The following TENM2 variants were observed in gnomAD, a reference collection of about 807,000 sequenced individuals.
The protein encoded by TENM2 is teneurin-2.
A neutral mutation model predicts 245.2 loss-of-function variants in TENM2; 52 were observed. That is an observed-to-expected ratio of 0.21 (90% CI 0.17 to 0.27). The LOEUF (loss-of-function observed/expected upper bound fraction) is 0.27, where lower values mean the gene tolerates loss of function less well. Ranked by LOEUF, TENM2 falls within the 10% of genes least tolerant of loss-of-function variation. TENM2 has a pLI of 1.00. For synonymous variants in TENM2, 1,363 were observed against 1,438.9 expected, an observed-to-expected ratio of 0.95 and a Z score of 1.19; for missense variants, 3,046 against 3,666.8, an observed-to-expected ratio of 0.83 and a Z score of 4.37.
intron 2 of TENM2, among the ~76,000 whole-genome samples, chr5:167,607,120 A>C (rs1326661950): frequency 1.3e-5 from 2 of 152,128 alleles, no homozygotes; most frequent in Non-Finnish European, 1.5e-5. Context: ...GGCTCTAGAA[A>C]AATCATTCAC....
chr5:167,767,671 A>G (rs1763124050), intron 2 of TENM2, among the ~76,000 whole-genome samples: 1 of 152,228 alleles, frequency 6.6e-6, no homozygotes. Flanking sequence ...TATTAAGACT[A>G]TGATCACTTA....
At chr5:167,701,302 ATATG>A (rs1402055715) in intron 2 of TENM2, among the ~76,000 whole-genome samples, 1 of 152,188 alleles carries the variant, frequency 6.6e-6, no homozygotes, top group Non-Finnish European at 1.5e-5. Flanking sequence ...ACTTGGCTAA[ATATG>A]TATGAACATG....
intron 2 of TENM2, among the ~76,000 whole-genome samples, chr5:167,603,986 C>T (rs1244818433): frequency 6.6e-6 from 1 of 152,138 alleles, no homozygotes; most frequent in African/African-American, 2.4e-5. Context: ...CAAATTTCCC[C>T]ATTTAATAAA....
chr5:167,758,504 C>A (rs1762451271), intron 2 of TENM2, among the ~76,000 whole-genome samples: 1 of 152,134 alleles, frequency 6.6e-6, no homozygotes, highest in African/African-American at 2.4e-5. Context: ...CAGCTTCCTC[C>A]TTGTCATTGT....
At chr5:167,368,972 C>T (rs1464726037) in intron 1 of TENM2, among the ~76,000 whole-genome samples, 2 of 152,106 alleles carry the variant, frequency 1.3e-5, no homozygotes, top group Non-Finnish European at 2.9e-5. Flanking sequence ...CCGGGATCCC[C>T]GCGCTGGTCT....
At chr5:167,283,371 C>A (rs1581659806), upstream of TENM2, among the ~76,000 whole-genome samples, 1 of 152,206 alleles carries the variant, frequency 6.6e-6, no homozygotes, top group Non-Finnish European at 1.5e-5. Context: ...AAGTGTCAAA[C>A]AAAATTGTCC....
chr5:167,366,064 T>C (rs1478019423), intron 1 of TENM2, among the ~76,000 whole-genome samples: 1 of 150,678 alleles, frequency 6.6e-6, no homozygotes, highest in Non-Finnish European at 1.5e-5. Context: ...ACACAGACAG[T>C]AGGTAGAGTC....
At chr5:167,944,589 G>A (rs1779459746) in intron 3 of TENM2, among the ~76,000 whole-genome samples, 1 of 152,202 alleles carries the variant, frequency 6.6e-6, no homozygotes, top group African/African-American at 2.4e-5. Context: ...ATAAACAGAG[G>A]GAATTGCCAT....
rs1006733095 is a variant in TENM2 at position 167,525,844 on chromosome 5, C to T, written c.502+150371C>T. 4.9e-4 allele frequency among the ~76,000 whole-genome samples: 75 copies of T among 152,038 alleles called. 2 individuals carry two copies. Among genetic ancestry groups the T allele is most frequent in the African/African-American group, 1.2e-3 (48 of 41,396 alleles). ...CAAGTAGTGAAACCTGCATTCCTAACGACTATCTTCATTTGTTATGTGACT... is the reference window on the plus strand; with the variant it reads ...CAAGTAGTGAAACCTGCATTCCTAATGACTATCTTCATTTGTTATGTGACT... On this transcript the variant is annotated intron_variant, in intron 2 of 28. Coordinates refer to ENST00000518659, the Ensembl canonical transcript of TENM2.
chr5:167,947,766 ATCTGAGGG>A (rs534001594), intron 3 of TENM2, among the ~76,000 whole-genome samples: 1 of 152,344 alleles, frequency 6.6e-6, no homozygotes, highest in East Asian at 1.9e-4. Context: ...TTAATTTGTC[ATCTGAGGG>A]TCTGAGGGAG....
intron 3 of TENM2, among the ~76,000 whole-genome samples, chr5:167,903,118 A>C (rs1775834858): frequency 6.6e-6 from 1 of 152,236 alleles, no homozygotes; most frequent in Non-Finnish European, 1.5e-5. Context: ...ATATTCAATA[A>C]CATTTCAAAA....
chr5:167,870,969 G>T (rs1406074831), intron 2 of TENM2, among the ~76,000 whole-genome samples: 1 of 152,066 alleles, frequency 6.6e-6, no homozygotes, highest in Non-Finnish European at 1.5e-5. Flanking sequence ...CATGCCCTCT[G>T]TCATAAATTC....
chr5:167,195,544 C>G, the TENM2 span, among the ~76,000 whole-genome samples: 47 of 151,992 alleles, frequency 3.1e-4, no homozygotes, highest in East Asian at 8.3e-3. Flanking sequence ...ACATGAATAA[C>G]GTGTTTCAAT....
chr5:168,042,350 G>A (rs531191397), intron 5 of TENM2, among the ~76,000 whole-genome samples: 6 of 152,272 alleles, frequency 3.9e-5, no homozygotes, highest in Admixed American at 1.3e-4. Context: ...CAAACACAGA[G>A]CATCCGTGGC....
intron 2 of TENM2, among the ~76,000 whole-genome samples, chr5:167,458,494 C>CAAA (rs70976430): frequency 3.3e-4 from 27 of 82,010 alleles, no homozygotes; most frequent in South Asian, 4.8e-4. Flanking sequence ...CTCAAAAAAA[C>CAAA]AAAAAAAAAA....
chr5:167,033,705 T>C, the TENM2 span, among the ~76,000 whole-genome samples: 3 of 152,214 alleles, frequency 2.0e-5, no homozygotes, highest in South Asian at 6.2e-4. Context: ...GAGATGACAA[T>C]GAAACTTTTA....
chr5:167,955,644 A>G (rs1288237830), intron 4 of TENM2, among the ~76,000 whole-genome samples: 3 of 152,154 alleles, frequency 2.0e-5, no homozygotes, highest in Non-Finnish European at 4.4e-5. Context: ...TAATTTTTGT[A>G]TAAGGCATAA....
At chr5:167,797,565 T>G (rs577058342) in intron 2 of TENM2, among the ~76,000 whole-genome samples, 1 of 152,318 alleles carries the variant, frequency 6.6e-6, no homozygotes, top group Non-Finnish European at 1.5e-5. Flanking sequence ...TTGTAAGTCA[T>G]TGTATTTCTT....
At chr5:167,651,775 A>G (rs186634550) in intron 2 of TENM2, among the ~76,000 whole-genome samples, 87 of 152,254 alleles carry the variant, frequency 5.7e-4, no homozygotes, top group African/African-American at 1.9e-3. Flanking sequence ...TTGGTCCAAT[A>G]TAGGTCAAAG....
Sources: gnomAD v4.1 joint callset for allele counts (sites outside exome capture counted in the v4.1 genomes callset) on GRCh38, gnomAD v4.1.1 for gene constraint, MANE v1.5 for transcripts, NCBI Gene and HGNC (gene_info 2026-07-23, HGNC 2026-07-21) for gene names.